TSPEAR: variants seen among roughly 807,000 people sequenced by gnomAD.
The protein encoded by TSPEAR is thrombospondin-type laminin G domain and EAR repeat-containing protein.
TSPEAR carries 69 observed loss-of-function variants against 71.6 expected under a neutral mutation model. The observed-to-expected ratio is 0.96, with a 90% CI of 0.79 to 1.18. TSPEAR has a LOEUF of 1.18. Ranked by LOEUF, TSPEAR falls within the 50% of genes most tolerant of loss-of-function variation. The probability of loss-of-function intolerance (pLI) is 0.00; values close to 1 mark genes in which losing one functional copy is unlikely to be tolerated. For synonymous variants in TSPEAR, 402 were observed against 387.2 expected (o/e 1.04, Z -0.45); for missense variants, 971 against 894.9 (o/e 1.09, Z -1.09).
intron 9 of TSPEAR, among the ~76,000 whole-genome samples, chr21:44,514,317 T>C (rs233228): frequency 0.94 from 142,548 of 152,282 alleles, 66,824 homozygotes; most frequent in African/African-American, 0.98. Flanking sequence ...GCCCCCACTG[T>C]ATCCTTGCCT....
chr21:44,533,561 A>C (rs1199331552), intron 3 of TSPEAR, 124 bp downstream of exon 3: 4 of 814,362 alleles, frequency 4.9e-6, no homozygotes, highest in Admixed American at 2.4e-5. Context: ...ATGGCTCCTG[A>C]CCCTGGTCAG....
Position 44,612,373 on chromosome 21 carries a change from C to G in TSPEAR, c.83-44368G>C, listed in dbSNP as rs1428441587. 6.2e-7 allele frequency: 1 copy of G among 1,614,000 alleles called. No homozygotes were observed. The highest frequency in any genetic ancestry group is 8.5e-7 in the Non-Finnish European group (1 of 1,180,034). On this transcript the variant is annotated intron_variant, in intron 1 of 11. Transcript: ENST00000323084. This position sits in a 1 kb window ranked among gnomAD's most constrained non-coding sequence, Gnocchi z 4.1. Reference sequence around the variant, plus strand: ...CCAGCCCCTGCCAATCAGGCTGCACCGACTCCTGCACACCTTCATGCTGCC... The same window carrying G: ...CCAGCCCCTGCCAATCAGGCTGCACGGACTCCTGCACACCTTCATGCTGCC...
At chr21:44,550,882 A>G (rs782072870) in intron 2 of TSPEAR, 45 of 1,025,514 alleles carry the variant, frequency 4.4e-5, no homozygotes, top group Non-Finnish European at 6.0e-5. Flanking sequence ...ATGGACTTGC[A>G]GCAGACAGGC....
intron 11 of TSPEAR, among the ~76,000 whole-genome samples, chr21:44,501,233 T>TGA (rs2052023916): frequency 1.3e-5 from 2 of 151,074 alleles, no homozygotes; most frequent in Admixed American, 1.3e-4. Flanking sequence ...GCAGATCACT[T>TGA]GAGGTCAGGA....
rs2052741605 is a variant in TSPEAR at position 44,521,886 on chromosome 21, G to A, written c.1563C>T (p.Phe521=). The A allele has an allele frequency of 6.2e-7, 1 of 1,613,334 alleles. No homozygotes were observed. ...LLGSFQLFQS[F]PTFGAADWEV... is the part of the protein sequence containing the mutation. ...GGGCTCATGCGGGGGGCCTTACCGG[G>A]AAGGACTGGAAGAGCTGGAAGGAGC... is the stretch of plus-strand genomic sequence containing the variant. Residue 521 remains phenylalanine (F), a synonymous_variant, in exon 9 of 12, where the codon TTC becomes TTT. Transcript: ENST00000323084.
At chr21:44,618,136 G>A (rs1982226221) in intron 1 of TSPEAR, among the ~76,000 whole-genome samples, 1 of 152,180 alleles carries the variant, frequency 6.6e-6, no homozygotes, top group South Asian at 2.1e-4. Flanking sequence ...CCCAGGTGTT[G>A]AGGGAGAGAC....
At chr21:44,563,734 T>C (rs1438792290) in intron 2 of TSPEAR, among the ~76,000 whole-genome samples, 1 of 152,204 alleles carries the variant, frequency 6.6e-6, no homozygotes, top group African/African-American at 2.4e-5. Flanking sequence ...GGAAATAATA[T>C]ACCATTGTTC....
intron 1 of TSPEAR, chr21:44,580,754 GT>G: frequency 1.4e-6 from 1 of 703,824 alleles, no homozygotes. Flanking sequence ...CCTTGTTGGT[GT>G]TTAGAGCTGG....
At chr21:44,507,511 A>G (rs1460153889) in intron 10 of TSPEAR, among the ~76,000 whole-genome samples, 2 of 152,144 alleles carry the variant, frequency 1.3e-5, no homozygotes, top group Admixed American at 1.3e-4. Context: ...TAATTATTAA[A>G]CATTACCTTA....
intron 7 of TSPEAR, among the ~76,000 whole-genome samples, chr21:44,526,421 G>A (rs1267660062): frequency 6.6e-6 from 1 of 151,320 alleles, no homozygotes; most frequent in Non-Finnish European, 1.5e-5. Flanking sequence ...TTGCTTTTCT[G>A]AATTTTCCAA....
intron 1 of TSPEAR, among the ~76,000 whole-genome samples, chr21:44,652,412 C>T (rs1050675444): frequency 6.6e-6 from 1 of 152,208 alleles, no homozygotes; most frequent in African/African-American, 2.4e-5. Context: ...GCACAGGCCA[C>T]TTGAGCCCCC....
At chr21:44,671,153 C>T (rs1555945848) in intron 1 of TSPEAR, among the ~76,000 whole-genome samples, 1 of 152,234 alleles carries the variant, frequency 6.6e-6, no homozygotes, top group Non-Finnish European at 1.5e-5. Context: ...CCCAGCATGC[C>T]ACTACCACCA....
chr21:44,665,951 C>T lies in TSPEAR; in HGVS notation c.82+45482G>A, dbSNP rs587692920. Among the ~76,000 whole-genome samples, 21 of 152,258 alleles carry T rather than the reference C, an allele frequency of 1.4e-4. No individual in the cohort carries two copies. In the East Asian group the frequency reaches 3.7e-3, roughly 27 times the overall value. ...CAGGAGTGGACAGCCAGTGGGGAAGCGAGACCACTCTACCACAGGCGGGTA... is the reference window on the plus strand; with the variant it reads ...CAGGAGTGGACAGCCAGTGGGGAAGTGAGACCACTCTACCACAGGCGGGTA... On this transcript the variant is annotated intron_variant, in intron 1 of 11. Coordinates refer to ENST00000323084, the MANE Select transcript of TSPEAR (RefSeq NM_144991.3).
chr21:44,511,549 C>A (rs587596616), intron 9 of TSPEAR, among the ~76,000 whole-genome samples: 1 of 152,218 alleles, frequency 6.6e-6, no homozygotes, highest in African/African-American at 2.4e-5. Context: ...TGCACACATG[C>A]CTGTACACAG....
intron 1 of TSPEAR, among the ~76,000 whole-genome samples, chr21:44,689,685 G>A (rs1428521782): frequency 6.7e-5 from 7 of 104,370 alleles, no homozygotes; most frequent in Admixed American, 1.1e-4. Context: ...GTGTATTAGG[G>A]TTCCCTTAGA....
chr21:44,643,538 T>C (rs587705310), intron 1 of TSPEAR, among the ~76,000 whole-genome samples: 32 of 152,358 alleles, frequency 2.1e-4, no homozygotes, highest in African/African-American at 7.0e-4. Context: ...TATATAATTC[T>C]TGTTTGTCAA....
intron 2 of TSPEAR, among the ~76,000 whole-genome samples, chr21:44,555,702 G>A (rs1164585710): frequency 6.6e-6 from 1 of 152,002 alleles, no homozygotes; most frequent in Non-Finnish European, 1.5e-5. Context: ...GGTAGAGGCT[G>A]CACACACACA....
chr21:44,599,379 A>G (rs191138384), intron 1 of TSPEAR, among the ~76,000 whole-genome samples: 1 of 152,208 alleles, frequency 6.6e-6, no homozygotes. Flanking sequence ...GAGACACAGG[A>G]CACCCTGAGC....
In TSPEAR at chr21:44,612,654, C is replaced by A; in HGVS notation, c.83-44649G>T. 6.2e-7 allele frequency: 1 copy of A among 1,614,112 alleles called. No homozygotes were observed. Among genetic ancestry groups the A allele is most frequent in the Non-Finnish European group, 8.5e-7 (1 of 1,180,010 alleles). On this transcript the variant is annotated intron_variant, in intron 1 of 11. Coordinates refer to ENST00000323084, the MANE Select transcript of TSPEAR (RefSeq NM_144991.3). This position sits in a 1 kb window ranked among gnomAD's most constrained non-coding sequence, Gnocchi z 4.1. Reference sequence around the variant, plus strand: ...GTGCCTGTCTGCTCTGGGGCTTCCTCTCTGTGCTGCCAGAAGTCTAGCTGC... The same window carrying A: ...GTGCCTGTCTGCTCTGGGGCTTCCTATCTGTGCTGCCAGAAGTCTAGCTGC...
Sources: allele counts gnomAD v4.1 joint callset (sites outside exome capture counted in the v4.1 genomes callset), GRCh38; gene constraint gnomAD v4.1.1; non-coding constraint Gnocchi (gnomAD v3.1); transcripts MANE v1.5; gene names NCBI Gene and HGNC (gene_info 2026-07-23, HGNC 2026-07-21).